Variants in RNF157 observed in about 807,000 individuals in gnomAD.
The protein encoded by RNF157 is E3 ubiquitin ligase RNF157.
In RNF157, 55 loss-of-function variants were observed where a neutral mutation model predicts 88.3. The observed-to-expected ratio is 0.62, with a 90% confidence interval of 0.50 to 0.78. RNF157 has a LOEUF of 0.78. Ranked by LOEUF, RNF157 falls within the 30% of genes least tolerant of loss-of-function variation. RNF157 has a pLI of 0.00. For synonymous variants in RNF157, 334 were observed against 341.2 expected, an observed-to-expected ratio of 0.98 and a Z score of 0.23; for missense variants, 788 against 860.8, an observed-to-expected ratio of 0.92 and a Z score of 1.06.
chr17:76,173,519 C>T (rs1332706281), intron 3 of RNF157, among the ~76,000 whole-genome samples, 183 bp downstream of exon 3: 1 of 152,072 alleles, frequency 6.6e-6, no homozygotes, highest in Non-Finnish European at 1.5e-5. Flanking sequence ...TGCTGAACAA[C>T]ATGGGTGTGG....
rs1001630930 is a variant in RNF157 at position 76,161,390 on chromosome 17, C to T, written c.1065+145G>A. 10 of 674,798 alleles carry T rather than the reference C, an allele frequency of 1.5e-5. No homozygotes were observed. The highest frequency in any genetic ancestry group is 2.5e-5 in the Admixed American group (1 of 39,608). 41.8% of individuals were successfully genotyped at this position (674,798 alleles called of 1,614,324 possible). The stretch of plus-strand genomic sequence containing the variant: ...TTCCACAGTAATAAGTTGGTTTTAA[C>T]GCATGCTCTCAGCCGGCTTGCTAAA... On this transcript the variant is annotated intron_variant, in intron 11 of 18. Transcript: ENST00000269391. The surrounding 1 kb of genome is among the most constrained non-coding windows in gnomAD (Gnocchi z 4.6).
chr17:76,231,126 C>T (rs1409592128), intron 1 of RNF157, among the ~76,000 whole-genome samples: 1 of 151,710 alleles, frequency 6.6e-6, no homozygotes, highest in African/African-American at 2.4e-5. Flanking sequence ...GCCTCCCAAG[C>T]AGCTGTGACT....
In RNF157 at chr17:76,159,389, T is replaced by C. The variant is rs138161667; in HGVS notation, c.1250A>G (p.Asp417Gly). Residue 417 changes from aspartate to glycine, a missense_variant, in exon 12 of 19, where the codon GAC (aspartate) becomes GGC (glycine). Transcript: ENST00000269391. ...LPPVRTISPL[D>G]RLSDSSSQGL... Reference sequence around the variant, plus strand: ...CTGACTGCTGCTGTCAGACAGGCGGTCAAGAGGCGAGATCGTCCTGACGGG... The same window carrying C: ...CTGACTGCTGCTGTCAGACAGGCGGCCAAGAGGCGAGATCGTCCTGACGGG... The C allele has an allele frequency of 5.6e-6, 9 of 1,613,108 alleles. No individual in the cohort carries two copies. The African/African-American group carries it at 1.2e-4, about 22-fold the overall frequency.
chr17:76,145,766 A>C (rs1300584302), intron 18 of RNF157, among the ~76,000 whole-genome samples: 1 of 152,106 alleles, frequency 6.6e-6, no homozygotes, highest in African/African-American at 2.4e-5. Context: ...GGGAAGTGAG[A>C]AGACTGTTCG....
intron 2 of RNF157, among the ~76,000 whole-genome samples, chr17:76,200,267 A>T (rs1001989502): frequency 6.6e-6 from 1 of 151,866 alleles, no homozygotes; most frequent in African/African-American, 2.4e-5. Context: ...AAAAACAAAA[A>T]CCAAAAAAAA....
intron 1 of RNF157, among the ~76,000 whole-genome samples, chr17:76,239,106 G>T (rs1229912073): frequency 6.6e-6 from 1 of 152,148 alleles, no homozygotes; most frequent in Admixed American, 6.6e-5. Context: ...ACCTCATTCC[G>T]AAATCACCAA....
At chr17:76,227,659 C>T (rs1298881601) in intron 1 of RNF157, among the ~76,000 whole-genome samples, 1 of 151,876 alleles carries the variant, frequency 6.6e-6, no homozygotes, top group African/African-American at 2.4e-5. Flanking sequence ...GGGCGGATCA[C>T]CTGAGGTCGA....
chr17:76,161,904 G>A lies in RNF157; in HGVS notation c.891C>T (p.Leu297=), dbSNP rs929773902. The change falls in exon 10 of 19, where the codon CTC becomes CTT. Residue 297 remains leucine, a synonymous_variant. Transcript: ENST00000269391. This position sits in a 1 kb window ranked among gnomAD's most constrained non-coding sequence, Gnocchi z 4.6. ...TLILPCRHLC[L]CNTCADTLRY... ...GCAGCGTGTCTGCACAGGTGTTACA[G>A]AGGCAGAGGTGGCGACAGGGCAGAA... The A allele has an allele frequency of 2.5e-6, 4 of 1,614,132 alleles. No individual in the cohort carries two copies. The highest frequency in any genetic ancestry group is 2.7e-5 in the African/African-American group (2 of 74,942).
chr17:76,198,315 GCAA>G, intron 2 of RNF157, among the ~76,000 whole-genome samples: 1 of 152,162 alleles, frequency 6.6e-6, no homozygotes, highest in East Asian at 1.9e-4. Flanking sequence ...GAACACCTTG[GCAA>G]GAGCCTTGGA....
chr17:76,194,895 G>A (rs990485966), intron 2 of RNF157, among the ~76,000 whole-genome samples: 3 of 152,162 alleles, frequency 2.0e-5, no homozygotes, highest in Middle Eastern at 3.4e-3. Flanking sequence ...GGCGCCTGTA[G>A]TCCCAGCTAC....
rs1194609974 is a variant in RNF157, at chr17:76,156,317, C to T, written c.1418G>A (p.Cys473Tyr). 2.5e-6 allele frequency: 4 copies of T among 1,613,920 alleles called. No individual in the cohort carries two copies. Among genetic ancestry groups the T allele is most frequent in the East Asian group, 2.2e-5 (1 of 44,892 alleles). The change falls in exon 14 of 19, where the codon TGT (cysteine) becomes TAT (tyrosine). Residue 473 changes from cysteine to tyrosine, a missense_variant. Transcript: ENST00000269391. The part of the protein sequence containing the change: ...RPSVQHLGEE[C>Y]GVTPESENLT... ...ATTCTCACTTTCTGGAGTCACACCACATTCCTGGGGGTTGTGGGGGGACAC... is the reference window on the plus strand; with the variant it reads ...ATTCTCACTTTCTGGAGTCACACCATATTCCTGGGGGTTGTGGGGGGACAC...
chr17:76,185,787 C>T (rs908586077), intron 2 of RNF157, among the ~76,000 whole-genome samples: 1 of 152,098 alleles, frequency 6.6e-6, no homozygotes, highest in South Asian at 2.1e-4. Flanking sequence ...TCCTTTCACA[C>T]GAGCAACCCA....
chr17:76,192,971 G>A (rs78308836), intron 2 of RNF157, among the ~76,000 whole-genome samples: 19,928 of 151,504 alleles, frequency 0.13, 1,663 homozygotes, highest in South Asian at 0.25. Context: ...ACAGCCGCGC[G>A]CCACCACACC....
Position 76,145,140 on chromosome 17 carries a change from T to C in RNF157, c.*95A>G, listed in dbSNP as rs58115413. 2,436 of 765,220 alleles carry C rather than the reference T, an allele frequency of 3.2e-3. 53 individuals carry two copies. The African/African-American group carries it at 0.038, about 12-fold the overall frequency. 47.4% of individuals were successfully genotyped at this position (765,220 alleles called of 1,614,324 possible). A position where few individuals can be genotyped will look rare whatever the true frequency, so the allele number is the denominator to read the frequency against. On this transcript the variant is annotated 3_prime_UTR_variant, in exon 19 of 19. Coordinates refer to ENST00000269391, the MANE Select transcript of RNF157 (RefSeq NM_052916.3). Reference sequence around the variant, plus strand: ...AGCTGTCACAGGAGGGTAAAAAGTCTCCAGCATCTTGCTGAGGATGCCCAG... The same window carrying C: ...AGCTGTCACAGGAGGGTAAAAAGTCCCCAGCATCTTGCTGAGGATGCCCAG...
intron 2 of RNF157, among the ~76,000 whole-genome samples, chr17:76,203,836 C>T (rs1416103590): frequency 6.0e-5 from 9 of 149,686 alleles, no homozygotes; most frequent in African/African-American, 2.2e-4. Context: ...GGCACGATCT[C>T]GGCTCACTGC....
In RNF157 at chr17:76,159,350, T is replaced by A; in HGVS notation, c.1289A>T (p.Lys430Ile). 6.2e-7 allele frequency: 1 copy of A among 1,613,272 alleles called. No individual in the cohort carries two copies. Among genetic ancestry groups the A allele is most frequent in the Non-Finnish European group, 8.5e-7 (1 of 1,179,588 alleles). Residue 430 changes from lysine to isoleucine, a missense_variant, in exon 12 of 19, where the codon AAA (lysine) becomes ATA (isoleucine). Physicochemically the swap from Lys to Ile is moderately radical, Grantham distance 102. Coordinates refer to ENST00000269391, the MANE Select transcript of RNF157 (RefSeq NM_052916.3). ...SDSSSQGLKL[K>I]KSLSKSTSQN... Reference sequence around the variant, plus strand: ...GGCTACTCACTTGGAGAGACTCTTTTTGAGTTTGAGTCCCTGACTGCTGCT... The same window carrying A: ...GGCTACTCACTTGGAGAGACTCTTTATGAGTTTGAGTCCCTGACTGCTGCT...
chr17:76,151,319 C>T (rs1235810098), intron 18 of RNF157, among the ~76,000 whole-genome samples: 1 of 152,246 alleles, frequency 6.6e-6, no homozygotes, highest in Non-Finnish European at 1.5e-5. Flanking sequence ...ATTCCAGCTT[C>T]CCCTGCCACA....
At chr17:76,173,154 CG>C (rs200973612) in intron 3 of RNF157, among the ~76,000 whole-genome samples, 2,954 of 152,048 alleles carry the variant, frequency 0.019, 49 homozygotes, top group Non-Finnish European at 0.029. Context: ...GACGTGGTGG[CG>C]GGCGCCTGTA....
rs1476810897 is a variant in RNF157 at position 76,240,074 on chromosome 17, C to T, written c.88+79G>A. 4 of 832,442 alleles carry T rather than the reference C, an allele frequency of 4.8e-6. No homozygotes were observed. In the East Asian group the frequency reaches 1.2e-4, roughly 24 times the overall value. The allele number at this position is 832,442 out of a possible 1,614,324, so 51.6% of individuals were successfully genotyped here. A position where few individuals can be genotyped will look rare whatever the true frequency, so the allele number is the denominator to read the frequency against. On this transcript the variant is annotated intron_variant, in intron 1 of 18. Transcript: ENST00000269391. This position sits in a 1 kb window ranked among gnomAD's most constrained non-coding sequence, Gnocchi z 4.4. ...ACTGAGTCCCCGAAGACCCGCGGGG[C>T]CCCCTCAGGCCGTCCCGACCCAGAC...
Sources: allele counts gnomAD v4.1 joint callset (sites outside exome capture counted in the v4.1 genomes callset), GRCh38; gene constraint gnomAD v4.1.1; non-coding constraint Gnocchi (gnomAD v3.1); transcripts MANE v1.5; gene names NCBI Gene and HGNC (gene_info 2026-07-23, HGNC 2026-07-21).